The following SYNGR1 variants were observed in gnomAD, a reference collection of about 807,000 sequenced individuals.
SYNGR1 encodes synaptogyrin-1.
In SYNGR1, 14 loss-of-function variants were observed where a neutral mutation model predicts 26.1. The ratio of observed to expected loss-of-function variants is 0.54; its 90% CI spans 0.35 to 0.84. The LOEUF is 0.84. Ranked by LOEUF, SYNGR1 falls within the 40% of genes least tolerant of loss-of-function variation. SYNGR1 has a pLI of 0.01. For synonymous variants in SYNGR1, 141 were observed against 150.1 expected, an observed-to-expected ratio of 0.94 and a Z score of 0.44; for missense variants, 319 against 332.9, an observed-to-expected ratio of 0.96 and a Z score of 0.33.
intron 2 of SYNGR1, 152 bp from the exon 3 acceptor site, chr22:39,375,900 C>A: frequency 2.0e-6 from 2 of 1,022,022 alleles, no homozygotes; most frequent in East Asian, 2.4e-5. Flanking sequence ...CTCTCTTCCC[C>A]TACCCCCTTT....
chr22:39,357,735 G>C (rs1924227866), intron 1 of SYNGR1, among the ~76,000 whole-genome samples: 1 of 151,764 alleles, frequency 6.6e-6, no homozygotes. Context: ...GAGGGACTTA[G>C]CGCCCGGGCC....
At chr22:39,378,645 CGA>C (rs2145633771) in intron 3 of SYNGR1, among the ~76,000 whole-genome samples, 1 of 152,324 alleles carries the variant, frequency 6.6e-6, no homozygotes, top group East Asian at 1.9e-4. Flanking sequence ...CTGAGCACAT[CGA>C]GAGTGAGCTT....
At chr22:39,374,270 AGG>A in intron 1 of SYNGR1, 44 bp from the exon 2 acceptor site, 1 of 1,586,200 alleles carries the variant, frequency 6.3e-7, no homozygotes, top group Non-Finnish European at 8.6e-7. Context: ...GGGTGGTGTG[AGG>A]CAGGGGTCTG....
chr22:39,375,931 G>C (rs778506046), intron 2 of SYNGR1, 121 bp from the exon 3 acceptor site: 24 of 1,334,998 alleles, frequency 1.8e-5, no homozygotes, highest in Admixed American at 5.0e-5. Context: ...TTGGGGGTGG[G>C]GGAGCATGGG....
chr22:39,383,827 A>C lies in SYNGR1; in HGVS notation c.*1913A>C, dbSNP rs1353828444. 6.6e-6 allele frequency: 1 copy of C among 152,314 alleles called. No individual in the cohort carries two copies. The highest frequency in any genetic ancestry group is 1.5e-5 in the Non-Finnish European group (1 of 68,100). The allele number at this position is 152,314 out of a possible 1,614,324, so 9.4% of individuals were successfully genotyped here. On this transcript the variant is annotated 3_prime_UTR_variant, in exon 4 of 4. Coordinates refer to ENST00000328933, the MANE Select transcript of SYNGR1 (RefSeq NM_004711.5). ...CATTATCCCCATTTAACAGAAGGGA[A>C]ACTGAGGCTCGGCAAGCATAGGCGA...
At position 39,385,196 on chromosome 22, in the gene SYNGR1, A is replaced by G; in HGVS notation, c.*3282A>G. Reference sequence around the variant, plus strand: ...GCCCCTCCCAGGAGTTTATGGGAGAAGGGACTGGGCCGGCTGCCTCCCAGC... The same window carrying G: ...GCCCCTCCCAGGAGTTTATGGGAGAGGGGACTGGGCCGGCTGCCTCCCAGC... On this transcript the variant is annotated 3_prime_UTR_variant, in exon 4 of 4. Coordinates refer to ENST00000328933, the MANE Select transcript of SYNGR1 (RefSeq NM_004711.5). 1 of 393,152 alleles carries G rather than the reference A, an allele frequency of 2.5e-6. No homozygotes were observed. The highest frequency in any genetic ancestry group is 4.5e-6 in the Non-Finnish European group (1 of 222,750). 24.4% of individuals were successfully genotyped at this position (393,152 alleles called of 1,614,324 possible). A position where few individuals can be genotyped will look rare whatever the true frequency, so the allele number is the denominator to read the frequency against.
intron 1 of SYNGR1, among the ~76,000 whole-genome samples, chr22:39,363,892 G>A (rs890449903): frequency 3.3e-5 from 5 of 152,160 alleles, no homozygotes; most frequent in African/African-American, 7.2e-5. Context: ...ACAGAGTGCC[G>A]TGGGCTCCAG....
At chr22:39,352,314 G>C (rs974943041) in intron 1 of SYNGR1, among the ~76,000 whole-genome samples, 1 of 152,210 alleles carries the variant, frequency 6.6e-6, no homozygotes, top group Admixed American at 6.5e-5. Flanking sequence ...TCTGATACAG[G>C]CTGATTGACA....
rs1925620073 is a variant in SYNGR1, at chr22:39,385,138, C to G, written c.*3224C>G. ...GACCCCTAACCTTGGCCCAAGACCC[C>G]TTTGATTCTCTAAGGAGCACGAAAG... On this transcript the variant is annotated 3_prime_UTR_variant, in exon 4 of 4. Coordinates refer to ENST00000328933, the MANE Select transcript of SYNGR1 (RefSeq NM_004711.5). 2.5e-6 allele frequency: 1 copy of G among 397,276 alleles called. No homozygotes were observed. Among genetic ancestry groups the G allele is most frequent in the Non-Finnish European group, 4.4e-6 (1 of 225,502 alleles). 24.6% of individuals were successfully genotyped at this position (397,276 alleles called of 1,614,324 possible). A position where few individuals can be genotyped will look rare whatever the true frequency, so the allele number is the denominator to read the frequency against.
rs1007964627 is a variant in SYNGR1, at chr22:39,359,061, A to C, written c.99+8952A>C. Reference sequence around the variant, plus strand: ...AGGGGGCAAGAGTCCCTGAGCCTTCAGCCCCTCCCAGAATGTCCCTGACAC... The same window carrying C: ...AGGGGGCAAGAGTCCCTGAGCCTTCCGCCCCTCCCAGAATGTCCCTGACAC... On this transcript the variant is annotated intron_variant, in intron 1 of 3. Coordinates refer to ENST00000328933, the MANE Select transcript of SYNGR1 (RefSeq NM_004711.5). Among the ~76,000 whole-genome samples, 3 of 152,348 alleles carry C rather than the reference A, an allele frequency of 2.0e-5. No individual in the cohort carries two copies. The South Asian group carries it at 6.2e-4, about 32-fold the overall frequency.
At chr22:39,374,245 G>A in intron 1 of SYNGR1, 71 bp from the exon 2 acceptor site, 1 of 1,473,478 alleles carries the variant, frequency 6.8e-7, no homozygotes, top group Non-Finnish European at 9.5e-7. Context: ...GAGGGTGGCA[G>A]CCTCCCCGTC....
At position 39,385,038 on chromosome 22, in the gene SYNGR1, A is replaced by T. The variant is rs959080395; in HGVS notation, c.*3124A>T. On this transcript the variant is annotated 3_prime_UTR_variant, in exon 4 of 4. Transcript: ENST00000328933. Reference sequence around the variant, plus strand: ...TTCCCTACTCCATCCTTCCCTGGTGATTCTTGATCTTCAAAGCCTCGGGGA... The same window carrying T: ...TTCCCTACTCCATCCTTCCCTGGTGTTTCTTGATCTTCAAAGCCTCGGGGA... The T allele has an allele frequency of 7.5e-6, 3 of 398,752 alleles. No homozygotes were observed. Among genetic ancestry groups the T allele is most frequent in the Non-Finnish European group, 1.3e-5 (3 of 226,092 alleles). The allele number at this position is 398,752 out of a possible 1,614,324, so 24.7% of individuals were successfully genotyped here. A position where few individuals can be genotyped will look rare whatever the true frequency, so the allele number is the denominator to read the frequency against.
rs1013457799 is a variant in SYNGR1, at chr22:39,374,320, T to C, written c.104T>C (p.Phe35Ser). 6.2e-7 allele frequency: 1 copy of C among 1,613,712 alleles called. No individual in the cohort carries two copies. The highest frequency in any genetic ancestry group is 1.3e-5 in the African/African-American group (1 of 74,876). The change falls in exon 2 of 4, where the codon TTC becomes TCC. Residue 35 changes from phenylalanine (F) to serine (S), a missense_variant. Physicochemically the swap from Phe to Ser is radical, Grantham distance 155. Transcript: ENST00000328933. The part of the protein sequence containing the change: ...HTILRVVSWL[F>S]SIVVFGSIVN... Reference sequence around the variant, plus strand: ...GTGTGGCCCCACCCCCGACAGCTGTTCTCCATAGTGGTGTTCGGCTCCATC... The same window carrying C: ...GTGTGGCCCCACCCCCGACAGCTGTCCTCCATAGTGGTGTTCGGCTCCATC...
intron 1 of SYNGR1, among the ~76,000 whole-genome samples, chr22:39,360,833 A>G (rs1486187619): frequency 6.6e-6 from 1 of 152,194 alleles, no homozygotes; most frequent in African/African-American, 2.4e-5. Context: ...AGGAACAGCG[A>G]GGGCAAATGC....
rs374378155 is a variant in SYNGR1, at chr22:39,381,662, G to T, written c.484-34G>T. The T allele has an allele frequency of 8.7e-6, 14 of 1,611,112 alleles. No individual in the cohort carries two copies. In the East Asian group the frequency reaches 2.7e-4, roughly 31 times the overall value. ...GTCTCTCCCCTAACCACCCCCTCCCGCCTGTCCTTGTCCTCGCCGGCCTTT... is the reference window on the plus strand; with the variant it reads ...GTCTCTCCCCTAACCACCCCCTCCCTCCTGTCCTTGTCCTCGCCGGCCTTT... On this transcript the variant is annotated intron_variant, in intron 3 of 3. Transcript: ENST00000328933.
intron 1 of SYNGR1, among the ~76,000 whole-genome samples, chr22:39,363,001 C>T (rs1334424906): frequency 6.6e-6 from 1 of 152,122 alleles, no homozygotes; most frequent in Non-Finnish European, 1.5e-5. Flanking sequence ...CTGGAGAATA[C>T]CTTAGATCTG....
chr22:39,376,562 G>C (rs1463966952), intron 3 of SYNGR1, among the ~76,000 whole-genome samples: 1 of 152,196 alleles, frequency 6.6e-6, no homozygotes. Flanking sequence ...TACAGGGTTT[G>C]AGGCTGGGAA....
Position 39,385,218 on chromosome 22 carries a change from C to T in SYNGR1, c.*3304C>T. On this transcript the variant is annotated 3_prime_UTR_variant, in exon 4 of 4. Transcript: ENST00000328933. ...AGAAGGGACTGGGCCGGCTGCCTCCCAGCGATGCACTTGACCTGACACTCC... is the reference window on the plus strand; with the variant it reads ...AGAAGGGACTGGGCCGGCTGCCTCCTAGCGATGCACTTGACCTGACACTCC... 1 of 386,176 alleles carries T rather than the reference C, an allele frequency of 2.6e-6. No homozygotes were observed. The highest frequency in any genetic ancestry group is 4.6e-6 in the Non-Finnish European group (1 of 218,388). 23.9% of individuals were successfully genotyped at this position (386,176 alleles called of 1,614,324 possible).
chr22:39,370,405 C>T (rs922488632), intron 1 of SYNGR1, among the ~76,000 whole-genome samples: 1 of 152,114 alleles, frequency 6.6e-6, no homozygotes, highest in Non-Finnish European at 1.5e-5. Context: ...ACTGGGATTA[C>T]AGGTGTGAGC....
Sources: gnomAD v4.1 joint callset for allele counts (sites outside exome capture counted in the v4.1 genomes callset) on GRCh38, gnomAD v4.1.1 for gene constraint, MANE v1.5 for transcripts, NCBI Gene and HGNC (gene_info 2026-07-23, HGNC 2026-07-21) for gene names.